BCKDHB: variants seen among roughly 807,000 people sequenced by gnomAD.
The protein encoded by BCKDHB is 2-oxoisovalerate dehydrogenase subunit beta, mitochondrial.
Under a neutral mutation model 48.5 loss-of-function variants are expected in BCKDHB, and 41 were observed. That is an observed-to-expected ratio of 0.85 (90% confidence interval 0.66 to 1.10). The LOEUF is 1.10. Ranked by LOEUF, BCKDHB falls within the 50% of genes least tolerant of loss-of-function variation. The pLI is 0.00. For synonymous variants in BCKDHB, 201 were observed against 174.8 expected (o/e 1.15, Z -1.18); for missense variants, 496 against 494.2 (o/e 1.00, Z -0.03).
the BCKDHB span, among the ~76,000 whole-genome samples, chr6:80,362,441 C>T: frequency 9.9e-5 from 15 of 152,088 alleles, no homozygotes; most frequent in African/African-American, 3.4e-4. Context: ...AAGTTGATAG[C>T]ACTGATTTTT....
rs186125038 is a variant in BCKDHB, at chr6:80,298,555, G to A, written c.1038+25334G>A. Among the ~76,000 whole-genome samples the A allele has an allele frequency of 2.0e-5, 3 of 152,312 alleles. No homozygotes were observed. In the East Asian group the frequency reaches 5.8e-4, roughly 29 times the overall value. On this transcript the variant is annotated intron_variant, in intron 9 of 9. Coordinates refer to ENST00000320393, the MANE Select transcript of BCKDHB (RefSeq NM_183050.4). ...GAGAGGAGAATTAACAAATGGTAAA[G>A]GTAGAACAGATATCAAATCAGAAAG... is the stretch of plus-strand genomic sequence containing the variant.
chr6:80,289,217 T>G (rs969982350), intron 9 of BCKDHB, among the ~76,000 whole-genome samples: 7 of 152,192 alleles, frequency 4.6e-5, no homozygotes, highest in South Asian at 2.1e-4. Context: ...GCATATAAAA[T>G]TTCATTGCAG....
At chr6:80,404,871 G>A in the BCKDHB span, among the ~76,000 whole-genome samples, 12 of 152,008 alleles carry the variant, frequency 7.9e-5, no homozygotes, top group South Asian at 2.5e-3. Flanking sequence ...TCCTGTTATT[G>A]ATTTCTAGTT....
At chr6:80,187,353 T>C (rs1773690332) in intron 6 of BCKDHB, among the ~76,000 whole-genome samples, 1 of 152,220 alleles carries the variant, frequency 6.6e-6, no homozygotes, top group African/African-American at 2.4e-5. Flanking sequence ...TCCTATGATT[T>C]ATTTTAATAT....
chr6:80,259,127 C>A (rs1385407445), intron 8 of BCKDHB, among the ~76,000 whole-genome samples: 1 of 152,080 alleles, frequency 6.6e-6, no homozygotes, highest in East Asian at 1.9e-4. Flanking sequence ...AAAAACCTGA[C>A]CTTTGACATT....
chr6:80,138,129 G>T (rs1462790487), intron 3 of BCKDHB, among the ~76,000 whole-genome samples: 1 of 151,962 alleles, frequency 6.6e-6, no homozygotes, highest in Non-Finnish European at 1.5e-5. Flanking sequence ...CTATTTCCAT[G>T]TAATGTGGAC....
At chr6:80,134,394 A>G (rs551749440) in intron 3 of BCKDHB, among the ~76,000 whole-genome samples, 63 of 152,294 alleles carry the variant, frequency 4.1e-4, no homozygotes, top group African/African-American at 1.5e-3. Flanking sequence ...AGATACTTTA[A>G]TACACTGAAG....
rs1774730340 is a variant in BCKDHB, at chr6:80,207,652, G to A, written c.951+4440G>A. ...TAAAAAAGGCATACTTTAAATATAAGGACATCAAAATGTTGAAAATGAAAG... is the reference window on the plus strand; with the variant it reads ...TAAAAAAGGCATACTTTAAATATAAAGACATCAAAATGTTGAAAATGAAAG... On this transcript the variant is annotated intron_variant, in intron 8 of 9. Transcript: ENST00000320393. Among the ~76,000 whole-genome samples, 2 of 151,526 alleles carry A rather than the reference G, an allele frequency of 1.3e-5. 1 individual carries two copies. The highest frequency in any genetic ancestry group is 1.3e-4 in the Admixed American group (2 of 15,166).
intron 6 of BCKDHB, among the ~76,000 whole-genome samples, chr6:80,190,884 G>A (rs1186206579): frequency 6.6e-6 from 1 of 152,184 alleles, no homozygotes; most frequent in Non-Finnish European, 1.5e-5. Context: ...GGCACCTTTG[G>A]TAGTGGCAGT....
At chr6:80,156,760 A>G (rs1772061246) in intron 3 of BCKDHB, among the ~76,000 whole-genome samples, 1 of 152,180 alleles carries the variant, frequency 6.6e-6, no homozygotes. Flanking sequence ...TTTCATTAGA[A>G]TGATTAAAGT....
At chr6:80,323,592 T>G (rs1768860976) in intron 9 of BCKDHB, among the ~76,000 whole-genome samples, 1 of 152,132 alleles carries the variant, frequency 6.6e-6, no homozygotes, top group African/African-American at 2.4e-5. Flanking sequence ...ATACAGTGAT[T>G]TCTAACTCTT....
the BCKDHB span, among the ~76,000 whole-genome samples, chr6:80,387,027 T>C: frequency 3.3e-5 from 5 of 152,092 alleles, no homozygotes; most frequent in African/African-American, 7.2e-5. Flanking sequence ...TAACTGTGCA[T>C]TGGGTAAAGG....
chr6:80,256,899 C>T (rs1777074604), intron 8 of BCKDHB, among the ~76,000 whole-genome samples: 1 of 152,028 alleles, frequency 6.6e-6, no homozygotes, highest in Admixed American at 6.6e-5. Flanking sequence ...CCTAATTAGA[C>T]AATTATTGAG....
At chr6:80,360,471 A>G in the BCKDHB span, among the ~76,000 whole-genome samples, 1 of 152,212 alleles carries the variant, frequency 6.6e-6, no homozygotes, top group African/African-American at 2.4e-5. Context: ...ATAATAATTT[A>G]GATGGAAGAA....
chr6:80,348,303 T>C (rs942942952), downstream of BCKDHB, among the ~76,000 whole-genome samples: 21 of 152,334 alleles, frequency 1.4e-4, no homozygotes, highest in South Asian at 4.1e-4. Context: ...TCAAAATGTT[T>C]AGAAGACCCA....
chr6:80,121,234 G>A (rs1562062740), intron 1 of BCKDHB, among the ~76,000 whole-genome samples: 1 of 152,026 alleles, frequency 6.6e-6, no homozygotes, highest in Non-Finnish European at 1.5e-5. Flanking sequence ...CTCTGTTTTG[G>A]TACCAGTACC....
At chr6:80,282,082 A>G (rs1287707513) in intron 9 of BCKDHB, among the ~76,000 whole-genome samples, 1 of 152,182 alleles carries the variant, frequency 6.6e-6, no homozygotes, top group Non-Finnish European at 1.5e-5. Flanking sequence ...CATGACAGAG[A>G]ACTAACGTGT....
Position 80,345,884 on chromosome 6 carries a change from GA to G in BCKDHB, c.*2085del, listed in dbSNP as rs1770176636. ...AACCTATGCTGAAAATACGATAAAA[GA>G]AAAACAACTCCAATATGCTAAAAGT... is the stretch of plus-strand genomic sequence containing the variant. On this transcript the variant is annotated 3_prime_UTR_variant, in exon 10 of 10. Coordinates refer to ENST00000320393, the MANE Select transcript of BCKDHB (RefSeq NM_183050.4). 1.3e-5 allele frequency: 2 copies of G among 151,014 alleles called. No homozygotes were observed. Among genetic ancestry groups the G allele is most frequent in the Non-Finnish European group, 2.9e-5 (2 of 67,816 alleles). The allele number at this position is 151,014 out of a possible 1,614,324, so 9.4% of individuals were successfully genotyped here.
chr6:80,131,008 A>G (rs920810185), intron 3 of BCKDHB, among the ~76,000 whole-genome samples: 4 of 152,114 alleles, frequency 2.6e-5, no homozygotes, highest in African/African-American at 4.8e-5. Context: ...AGTGTATTAC[A>G]TGTACTGCTT....
Sources: allele counts gnomAD v4.1 joint callset (sites outside exome capture counted in the v4.1 genomes callset), GRCh38; gene constraint gnomAD v4.1.1; transcripts MANE v1.5; gene names NCBI Gene and HGNC (gene_info 2026-07-23, HGNC 2026-07-21).